Variants in TNIK observed in about 807,000 individuals in gnomAD.
The protein encoded by TNIK is TRAF2 and NCK-interacting protein kinase.
A neutral mutation model predicts 191.3 loss-of-function variants in TNIK; 49 were observed. The observed-to-expected ratio is 0.26, with a 90% CI of 0.20 to 0.32. TNIK has a LOEUF of 0.32. TNIK is among the 10% of genes least tolerant of loss of function. The pLI is 1.00. For synonymous variants in TNIK, 594 were observed against 600.9 expected (o/e 0.99, Z 0.17); for missense variants, 1,155 against 1,702.3 (o/e 0.68, Z 5.66).
chr3:171,287,368 T>G (rs1166129786), intron 2 of TNIK, among the ~76,000 whole-genome samples: 1 of 152,248 alleles, frequency 6.6e-6, no homozygotes, highest in Non-Finnish European at 1.5e-5. Context: ...AATCAACTAT[T>G]TTTGCAGCTT....
chr3:171,250,150 C>T (rs1319301474), intron 2 of TNIK, among the ~76,000 whole-genome samples: 1 of 152,180 alleles, frequency 6.6e-6, no homozygotes, highest in East Asian at 1.9e-4. Flanking sequence ...AGGAAGAATT[C>T]CCATTTACTT....
At chr3:171,071,155 AT>A (rs1719125474) in intron 29 of TNIK, 67 bp downstream of exon 29, 4 of 1,265,088 alleles carry the variant, frequency 3.2e-6, no homozygotes, top group African/African-American at 1.5e-5. Context: ...TATATGGACT[AT>A]TTTATTAATG....
At position 171,194,537 on chromosome 3, in the gene TNIK, C is replaced by T; in HGVS notation, c.405G>A (p.Arg135=). ...ACTCGTAACCTACCCGTAAGATTTC[C>T]CTGCAGATGTATGCAATCCACTCCT... ...LKEEWIAYIC[R]EILRGLSHLH... is the part of the protein sequence containing the mutation. The change falls in exon 5 of 33, where the codon AGG becomes AGA. Residue 135 remains arginine (R), a synonymous_variant. Transcript: ENST00000436636. 2 of 1,613,630 alleles carry T rather than the reference C, an allele frequency of 1.2e-6. No individual in the cohort carries two copies. Among genetic ancestry groups the T allele is most frequent in the Non-Finnish European group, 8.5e-7 (1 of 1,179,766 alleles).
At chr3:171,459,913 T>TGCCC in intron 1 of TNIK, 94 bp downstream of exon 1, 1 of 1,311,246 alleles carries the variant, frequency 7.6e-7, no homozygotes, top group Non-Finnish European at 1.1e-6. Context: ...CCCGCTGCTG[T>TGCCC]CCCCCTGCCC....
chr3:171,323,735 TG>T (rs1755433592), intron 2 of TNIK, among the ~76,000 whole-genome samples: 1 of 152,180 alleles, frequency 6.6e-6, no homozygotes. Flanking sequence ...GTGAAGATAC[TG>T]CACAGGAATC....
chr3:171,222,983 CTCTAAG>C lies in TNIK; in HGVS notation c.180+5176_180+5181del, dbSNP rs201916841. 5.2e-3 allele frequency among the ~76,000 whole-genome samples: 797 copies of C among 152,246 alleles called. 6 individuals carry two copies. Among genetic ancestry groups the C allele is most frequent in the Admixed American group, 0.012 (191 of 15,284 alleles). ...CATTTCTTTTATGTATTGGGTTTTT[CTCTAAG>C]TCTATTTGATCAAAGTGTTCTACTG... On this transcript the variant is annotated intron_variant, in intron 3 of 32. Transcript: ENST00000436636.
intron 2 of TNIK, among the ~76,000 whole-genome samples, chr3:171,273,479 A>AC (rs373723115): frequency 2.2e-3 from 341 of 152,102 alleles, no homozygotes; most frequent in African/African-American, 7.9e-3. Context: ...TGTCCCTCCT[A>AC]CCCTCTTCAA....
chr3:171,370,282 A>C (rs1716308997), intron 1 of TNIK, among the ~76,000 whole-genome samples: 1 of 152,226 alleles, frequency 6.6e-6, no homozygotes, highest in Admixed American at 6.5e-5. Flanking sequence ...GATAGCCTCC[A>C]GTTCCTGCAG....
rs757996859 is a variant in TNIK at position 171,063,949 on chromosome 3, C to T, written c.4015G>A (p.Val1339Met). Residue 1339 changes from valine (V) to methionine (M), a missense_variant, in exon 33 of 33, where the codon GTG becomes ATG. Physicochemically the swap from Val to Met is conservative, Grantham distance 21. This residue lies in a region of TNIK where 195 missense variants were observed against 415.4 expected (regional missense o/e 0.47). Coordinates refer to ENST00000436636, the MANE Select transcript of TNIK (RefSeq NM_015028.4). The part of the protein sequence containing the change: ...ERNDKVFFAS[V>M]RSGGSSQVFF... ...ACTTGGCTACTTCCTCCAGATCGCA[C>T]GGATGCAAAAAATACCTGTTTGAAA... 5.0e-6 allele frequency: 8 copies of T among 1,613,280 alleles called. No individual in the cohort carries two copies. The highest frequency in any genetic ancestry group is 6.8e-6 in the Non-Finnish European group (8 of 1,179,614).
intron 1 of TNIK, among the ~76,000 whole-genome samples, chr3:171,389,222 A>G (rs1719136325): frequency 1.3e-5 from 2 of 152,092 alleles, no homozygotes; most frequent in South Asian, 4.2e-4. Context: ...CTTTTTTCCT[A>G]CTGCCCAGAA....
chr3:171,307,012 A>C (rs937200031), intron 2 of TNIK, among the ~76,000 whole-genome samples: 7 of 152,188 alleles, frequency 4.6e-5, no homozygotes, highest in African/African-American at 1.2e-4. Flanking sequence ...TCTACTGTGC[A>C]TCTTCAGAAA....
intron 2 of TNIK, among the ~76,000 whole-genome samples, chr3:171,365,318 G>C (rs1025197727): frequency 6.6e-6 from 1 of 151,506 alleles, no homozygotes; most frequent in African/African-American, 2.4e-5. Flanking sequence ...GAGTAGCTGG[G>C]ATTACAGGCA....
Position 171,366,670 on chromosome 3 carries a change from A to G in TNIK, c.123+2950T>C, listed in dbSNP as rs1266398447. Among the ~76,000 whole-genome samples the G allele has an allele frequency of 6.6e-6, 1 of 152,214 alleles. No individual in the cohort carries two copies. Among genetic ancestry groups the G allele is most frequent in the Non-Finnish European group, 1.5e-5 (1 of 68,046 alleles). The stretch of plus-strand genomic sequence containing the variant: ...CATAAAATTATACCTGACTTTATGA[A>G]AACCAGGAATGCCAAAAGAGAGACT... On this transcript the variant is annotated intron_variant, in intron 2 of 32. Coordinates refer to ENST00000436636, the MANE Select transcript of TNIK (RefSeq NM_015028.4). This position sits in a 1 kb window ranked among gnomAD's most constrained non-coding sequence, Gnocchi z 4.1.
intron 2 of TNIK, among the ~76,000 whole-genome samples, chr3:171,312,079 A>T (rs1274247236): frequency 7.5e-6 from 1 of 134,140 alleles, no homozygotes; most frequent in Non-Finnish European, 1.5e-5. Flanking sequence ...ATTGCTCTGC[A>T]CTTCCTCAGC....
intron 9 of TNIK, among the ~76,000 whole-genome samples, chr3:171,174,191 C>T (rs982169301): frequency 1.3e-5 from 2 of 152,130 alleles, no homozygotes; most frequent in African/African-American, 4.8e-5. Context: ...CAGGGTGGCT[C>T]TCATTAGTAG....
intron 4 of TNIK, among the ~76,000 whole-genome samples, chr3:171,200,809 T>TA (rs2108869288): frequency 6.6e-6 from 1 of 152,342 alleles, no homozygotes; most frequent in Non-Finnish European, 1.5e-5. Context: ...CTGGGGTCCC[T>TA]AAAGTATTCA....
intron 2 of TNIK, among the ~76,000 whole-genome samples, chr3:171,351,838 T>C (rs1713263491): frequency 6.6e-6 from 1 of 152,226 alleles, no homozygotes; most frequent in South Asian, 2.1e-4. Flanking sequence ...AGGCCCTGCC[T>C]GAGCCCTCTC....
chr3:171,402,614 C>T (rs933754831), intron 1 of TNIK, among the ~76,000 whole-genome samples: 7 of 152,186 alleles, frequency 4.6e-5, no homozygotes, highest in African/African-American at 1.7e-4. Flanking sequence ...AATATCCTTA[C>T]ATCAAGGTTT....
chr3:171,325,217 C>T (rs1755618180), intron 2 of TNIK, among the ~76,000 whole-genome samples: 1 of 152,052 alleles, frequency 6.6e-6, no homozygotes, highest in South Asian at 2.1e-4. Flanking sequence ...AAGACAAACA[C>T]CAACAGAGGA....
Sources: gnomAD v4.1 joint callset for allele counts (sites outside exome capture counted in the v4.1 genomes callset) on GRCh38, gnomAD v4.1.1 for gene constraint, gnomAD v4.1.1 regional missense constraint, Gnocchi (gnomAD v3.1) non-coding constraint, MANE v1.5 for transcripts, NCBI Gene and HGNC (gene_info 2026-07-23, HGNC 2026-07-21) for gene names.